The following RSRC1 variants were observed in gnomAD, a reference collection of about 807,000 sequenced individuals.
RSRC1 encodes the protein arginine and serine rich coiled-coil 1.
Under a neutral mutation model 49.1 loss-of-function variants are expected in RSRC1, and 39 were observed. The observed-to-expected ratio is 0.79, with a 90% CI of 0.61 to 1.04. The LOEUF (loss-of-function observed/expected upper bound fraction) is 1.04. Ranked by LOEUF, RSRC1 falls within the 50% of genes least tolerant of loss-of-function variation. The pLI is 0.00. For missense variants in RSRC1, 388 were observed against 402.4 expected, an observed-to-expected ratio of 0.96 and a Z score of 0.31; for synonymous variants, 143 against 130.8, an observed-to-expected ratio of 1.09 and a Z score of -0.63.
chr3:158,341,055 A>G (rs1730208614), intron 5 of RSRC1, among the ~76,000 whole-genome samples: 1 of 152,180 alleles, frequency 6.6e-6, no homozygotes, highest in Non-Finnish European at 1.5e-5. Context: ...ATTTCTAAGC[A>G]GCAAAGCATT....
chr3:158,161,879 A>G (rs181366234), intron 3 of RSRC1, among the ~76,000 whole-genome samples: 35 of 152,318 alleles, frequency 2.3e-4, no homozygotes, highest in Non-Finnish European at 4.6e-4. Flanking sequence ...GGGGGGCTCA[A>G]AATTTTTAAA....
chr3:158,543,749 CTTTTTTT>C, intron 9 of RSRC1: 1 of 258,698 alleles, frequency 3.9e-6, no homozygotes, highest in Non-Finnish European at 7.1e-6. Context: ...GCATTTTTTC[CTTTTTTT>C]TTTTTTTAGC....
intron 6 of RSRC1, among the ~76,000 whole-genome samples, chr3:158,387,065 T>C (rs1249828138): frequency 1.3e-5 from 2 of 152,098 alleles, no homozygotes; most frequent in Non-Finnish European, 2.9e-5. Flanking sequence ...CTTTGTGACA[T>C]TTTCATTAAA....
At chr3:158,200,326 C>T (rs1251337724) in intron 3 of RSRC1, among the ~76,000 whole-genome samples, 3 of 152,178 alleles carry the variant, frequency 2.0e-5, no homozygotes, top group Non-Finnish European at 2.9e-5. Context: ...GCGTGAGCTA[C>T]CACGCCCGGC....
intron 7 of RSRC1, among the ~76,000 whole-genome samples, chr3:158,466,391 T>C (rs1423236648): frequency 6.6e-6 from 1 of 152,226 alleles, no homozygotes; most frequent in Non-Finnish European, 1.5e-5. Flanking sequence ...GTTTCCTTAC[T>C]GATTTAAATA....
chr3:158,244,368 A>AACCAC (rs1559959419), intron 4 of RSRC1, among the ~76,000 whole-genome samples: 7 of 152,160 alleles, frequency 4.6e-5, no homozygotes, highest in African/African-American at 1.7e-4. Flanking sequence ...CTCTGCATCT[A>AACCAC]TTGAGATAAT....
chr3:158,419,357 A>G (rs910394891), intron 6 of RSRC1, among the ~76,000 whole-genome samples: 1 of 151,918 alleles, frequency 6.6e-6, no homozygotes, highest in Non-Finnish European at 1.5e-5. Flanking sequence ...AGATATGGTC[A>G]TAGCATCCAC....
chr3:158,518,683 A>G (rs908935616), intron 7 of RSRC1, among the ~76,000 whole-genome samples: 1 of 151,736 alleles, frequency 6.6e-6, no homozygotes, highest in Non-Finnish European at 1.5e-5. Flanking sequence ...AATCACCAAT[A>G]CTCTCTAATT....
intron 5 of RSRC1, among the ~76,000 whole-genome samples, chr3:158,339,701 G>C (rs1183656252): frequency 1.3e-5 from 2 of 152,170 alleles, no homozygotes; most frequent in Non-Finnish European, 2.9e-5. Flanking sequence ...TATACTTACT[G>C]ATCACCAACT....
chr3:158,315,031 CA>C (rs10692835), intron 5 of RSRC1, among the ~76,000 whole-genome samples: 45 of 146,378 alleles, frequency 3.1e-4, no homozygotes, highest in African/African-American at 3.0e-4. Flanking sequence ...GACTTTGTCT[CA>C]AAAAAAAAAA....
intron 4 of RSRC1, among the ~76,000 whole-genome samples, chr3:158,232,047 T>C (rs1578223189): frequency 6.6e-6 from 1 of 152,268 alleles, no homozygotes; most frequent in African/African-American, 2.4e-5. Flanking sequence ...TTTTTTCTGT[T>C]TTAATGTTTT....
intron 6 of RSRC1, among the ~76,000 whole-genome samples, chr3:158,443,275 T>C (rs1736486821): frequency 2.6e-5 from 4 of 152,172 alleles, no homozygotes; most frequent in Admixed American, 2.6e-4. Context: ...AGATGGCATC[T>C]TCTTTCCTAG....
intron 3 of RSRC1, among the ~76,000 whole-genome samples, chr3:158,175,960 T>C (rs1048643077): frequency 1.3e-4 from 20 of 152,100 alleles, no homozygotes; most frequent in Admixed American, 2.0e-4. Context: ...TCTCGTGCCA[T>C]GGTTCTGAGC....
At chr3:158,311,775 G>A (rs1205335862) in intron 5 of RSRC1, among the ~76,000 whole-genome samples, 3 of 151,880 alleles carry the variant, frequency 2.0e-5, no homozygotes, top group Non-Finnish European at 2.9e-5. Context: ...TTTGATTATG[G>A]CAATTATTTC....
rs572223597 is a variant in RSRC1 at position 158,121,614 on chromosome 3, GA to G, written c.-2-481del. Among the ~76,000 whole-genome samples the G allele has an allele frequency of 6.6e-5, 10 of 151,718 alleles. No homozygotes were observed. In the South Asian group the frequency reaches 1.2e-3, roughly 19 times the overall value. On this transcript the variant is annotated intron_variant, in intron 1 of 9. Coordinates refer to ENST00000611884, the MANE Select transcript of RSRC1 (RefSeq NM_001271838.2). Reference sequence around the variant, plus strand: ...TTTAAAGATGTAGAATTTTCTGTTAGAAAAAAAATTCAACTCTAAGATAGTA... The same window carrying G: ...TTTAAAGATGTAGAATTTTCTGTTAGAAAAAAATTCAACTCTAAGATAGTA...
At chr3:158,399,039 A>G (rs1004661715) in intron 6 of RSRC1, among the ~76,000 whole-genome samples, 3 of 146,894 alleles carry the variant, frequency 2.0e-5, no homozygotes, top group South Asian at 2.1e-4. Flanking sequence ...GGGTCTGAAT[A>G]TTTATCATGT....
intron 5 of RSRC1, among the ~76,000 whole-genome samples, chr3:158,354,222 C>T (rs940426476): frequency 2.0e-5 from 3 of 152,018 alleles, no homozygotes; most frequent in Admixed American, 2.0e-4. Context: ...ATCTCTTGAC[C>T]TTGTGATCCA....
intron 1 of RSRC1, among the ~76,000 whole-genome samples, chr3:158,115,377 G>A (rs1714732284): frequency 1.3e-5 from 2 of 151,754 alleles, no homozygotes; most frequent in African/African-American, 4.8e-5. Context: ...ACTCAGAGAT[G>A]TAGTATAAAG....
chr3:158,203,690 A>G (rs899311657), intron 4 of RSRC1, among the ~76,000 whole-genome samples: 5 of 152,144 alleles, frequency 3.3e-5, no homozygotes, highest in Admixed American at 6.6e-5. Flanking sequence ...GGAGGGGACC[A>G]TGTGATTTAC....
Sources: gnomAD v4.1 joint callset for allele counts (sites outside exome capture counted in the v4.1 genomes callset) on GRCh38, gnomAD v4.1.1 for gene constraint, MANE v1.5 for transcripts, NCBI Gene and HGNC (gene_info 2026-07-23, HGNC 2026-07-21) for gene names.